KRT75: variants seen among roughly 807,000 people sequenced by gnomAD.
The protein encoded by KRT75 is keratin 75.
In KRT75, 35 loss-of-function variants were observed where a neutral mutation model predicts 48.8. That is an observed-to-expected ratio of 0.72 (90% CI 0.55 to 0.95). The LOEUF is 0.95. Ranked by LOEUF, KRT75 falls within the 40% of genes least tolerant of loss-of-function variation. The pLI is 0.00. For missense variants in KRT75, 776 were observed against 709.9 expected, an observed-to-expected ratio of 1.09 and a Z score of -1.06; for synonymous variants, 301 against 282.3, an observed-to-expected ratio of 1.07 and a Z score of -0.66.
Position 52,434,153 on chromosome 12 carries a change from C to T in KRT75, c.152G>A (p.Ser51Asn). 1 of 1,613,854 alleles carries T rather than the reference C, an allele frequency of 6.2e-7. No homozygotes were observed. The highest frequency in any genetic ancestry group is 8.5e-7 in the Non-Finnish European group (1 of 1,179,824). The part of the protein sequence containing the change: ...AAGSGGLGRI[S>N]SAGASFGSRS... Reference sequence around the variant, plus strand: ...GCTTCCAAAGCTGGCCCCAGCACTGCTGATCCTTCCCAGGCCCCCACTCCC... The same window carrying T: ...GCTTCCAAAGCTGGCCCCAGCACTGTTGATCCTTCCCAGGCCCCCACTCCC... The change falls in exon 1 of 9, where the codon AGC (serine) becomes AAC (asparagine). Residue 51 changes from serine (S) to asparagine (N), a missense_variant. Coordinates refer to ENST00000252245, the MANE Select transcript of KRT75 (RefSeq NM_004693.3).
At chr12:52,432,178 C>G (rs549925080) in intron 2 of KRT75, 112 bp from the exon 3 acceptor site, 1 of 1,009,882 alleles carries the variant, frequency 9.9e-7, no homozygotes, top group East Asian at 2.5e-5. Flanking sequence ...CTTCTGCTGA[C>G]CTGGGCATGA....
At chr12:52,430,513 A>G in intron 5 of KRT75, 28 bp downstream of exon 5, 2 of 1,611,676 alleles carry the variant, frequency 1.2e-6, no homozygotes, top group Non-Finnish European at 1.7e-6. Flanking sequence ...CTAACCCTGG[A>G]ACCTCTCATG....
In KRT75 at chr12:52,432,054, T is replaced by C. The variant is rs748062869; in HGVS notation, c.726A>G (p.Glu242=). The stretch of plus-strand genomic sequence containing the variant: ...TCTCAGCAGCTGTGCGCTTGTTAAT[T>C]TCATCTTCGTACCTATAAGGACAGA... ...VEDFKVRYED[E]INKRTAAENE... The change falls in exon 3 of 9, where the codon GAA becomes GAG. Residue 242 remains glutamate (E), a synonymous_variant. Transcript: ENST00000252245. 7.4e-6 allele frequency: 12 copies of C among 1,614,184 alleles called. No homozygotes were observed. The highest frequency in any genetic ancestry group is 1.6e-4 in the Middle Eastern group (1 of 6,062).
Position 52,424,506 on chromosome 12 carries a change from A to G in KRT75, c.*11T>C. 6.2e-7 allele frequency: 1 copy of G among 1,611,658 alleles called. No individual in the cohort carries two copies. The highest frequency in any genetic ancestry group is 1.3e-5 in the African/African-American group (1 of 74,998). On this transcript the variant is annotated 3_prime_UTR_variant, in exon 9 of 9. Transcript: ENST00000252245. ...GCCTCAAGGCAGGGTAGAGGGAGCCATGGGGCTCTCTTAGTGCGTGTAGCT... is the reference window on the plus strand; with the variant it reads ...GCCTCAAGGCAGGGTAGAGGGAGCCGTGGGGCTCTCTTAGTGCGTGTAGCT...
chr12:52,430,814 G>T, intron 4 of KRT75, 109 bp from the exon 5 acceptor site: 1 of 1,219,834 alleles, frequency 8.2e-7, no homozygotes, highest in Non-Finnish European at 1.2e-6. Flanking sequence ...ATTCCTGGCA[G>T]ATTCTCCCAG....
Position 52,430,666 on chromosome 12 carries a change from C to G in KRT75, c.910G>C (p.Val304Leu). The G allele has an allele frequency of 6.2e-7, 1 of 1,614,166 alleles. No homozygotes were observed. Among genetic ancestry groups the G allele is most frequent in the Non-Finnish European group, 8.5e-7 (1 of 1,180,030 alleles). ...CGGTTGTTGTCCATGGACAGCACCA[C>G]GGATGTGTCACCGACCTGGGTCTGC... ...QLQTQVGDTSVVLSMDNNRNL... is the reference protein window; with the variant it reads ...QLQTQVGDTSLVLSMDNNRNL... Residue 304 changes from valine (V) to leucine (L), a missense_variant, in exon 5 of 9, where the codon GTG becomes CTG. Physicochemically the swap from Val to Leu is conservative, Grantham distance 32. Coordinates refer to ENST00000252245, the MANE Select transcript of KRT75 (RefSeq NM_004693.3).
intron 8 of KRT75, 112 bp downstream of exon 8, chr12:52,426,701 GCTGT>G (rs1940079758): frequency 9.5e-7 from 1 of 1,053,360 alleles, no homozygotes; most frequent in East Asian, 2.4e-5. Context: ...CCAAATGAAC[GCTGT>G]CTGTGAGATC....
intron 7 of KRT75, among the ~76,000 whole-genome samples, chr12:52,427,154 G>A (rs1276899803): frequency 6.6e-6 from 1 of 152,128 alleles, no homozygotes; most frequent in Admixed American, 6.5e-5. Flanking sequence ...TCATATACTG[G>A]CATCAACTGG....
At chr12:52,426,774 ACCACACACACT>A in intron 8 of KRT75, 32 bp downstream of exon 8, 1 of 1,602,836 alleles carries the variant, frequency 6.2e-7, no homozygotes, top group Non-Finnish European at 8.5e-7. Flanking sequence ...CATCCCCTCT[ACCACACACACT>A]CCAAATGGCC....
intron 8 of KRT75, 93 bp downstream of exon 8, chr12:52,426,724 C>T: frequency 1.6e-6 from 2 of 1,270,894 alleles, no homozygotes; most frequent in Non-Finnish European, 2.3e-6. Context: ...TCCCGTCTAA[C>T]CCGTCATATC....
intron 8 of KRT75, 67 bp downstream of exon 8, chr12:52,426,750 G>C: frequency 6.7e-7 from 1 of 1,485,342 alleles, no homozygotes; most frequent in Non-Finnish European, 9.4e-7. Context: ...CCTCTGGCAA[G>C]CCCACCACAT....
intron 5 of KRT75, among the ~76,000 whole-genome samples, chr12:52,429,423 A>T (rs1048072194): frequency 8.5e-5 from 13 of 152,182 alleles, no homozygotes; most frequent in Non-Finnish European, 1.5e-5. Flanking sequence ...CATATCCAGG[A>T]CATGTGAATT....
At chr12:52,432,912 A>C in intron 2 of KRT75, 126 bp downstream of exon 2, 1 of 880,570 alleles carries the variant, frequency 1.1e-6, no homozygotes, top group South Asian at 1.4e-5. Flanking sequence ...TCCACCTTGC[A>C]GGATAAAGGC....
rs898260019 is a variant in KRT75 at position 52,424,253 on chromosome 12, C to T, written c.*264G>A. The T allele has an allele frequency of 1.3e-5, 7 of 528,428 alleles. No homozygotes were observed. The highest frequency in any genetic ancestry group is 9.4e-5 in the Admixed American group (3 of 31,942). The allele number at this position is 528,428 out of a possible 1,614,324, so 32.7% of individuals were successfully genotyped here. On this transcript the variant is annotated 3_prime_UTR_variant, in exon 9 of 9. Transcript: ENST00000252245. Reference sequence around the variant, plus strand: ...GCTGGAGGAGGACTTTCCAGCTGCCCGGGCCTCGCAAGATAGGCTGAATGA... The same window carrying T: ...GCTGGAGGAGGACTTTCCAGCTGCCTGGGCCTCGCAAGATAGGCTGAATGA...
At chr12:52,432,991 G>A (rs749554020) in intron 2 of KRT75, 47 bp downstream of exon 2, 2 of 1,582,992 alleles carry the variant, frequency 1.3e-6, no homozygotes, top group Non-Finnish European at 1.7e-6. Context: ...TCACACAAAG[G>A]AGCCTTCAGA....
Position 52,431,734 on chromosome 12 carries a change from G to A in KRT75, c.775-96C>T, listed in dbSNP as rs1295697817. 9.7e-6 allele frequency: 10 copies of A among 1,028,928 alleles called. No individual in the cohort carries two copies. The Admixed American group carries it at 1.6e-4, about 17-fold the overall frequency. The allele number at this position is 1,028,928 out of a possible 1,614,324, so 63.7% of individuals were successfully genotyped here. On this transcript the variant is annotated intron_variant, in intron 3 of 8. Coordinates refer to ENST00000252245, the MANE Select transcript of KRT75 (RefSeq NM_004693.3). ...GATTTCTCCCCAGCCCATCTAGTTTGGATTTTAGAAAACTCTGGGTCTGGG... is the reference window on the plus strand; with the variant it reads ...GATTTCTCCCCAGCCCATCTAGTTTAGATTTTAGAAAACTCTGGGTCTGGG...
In KRT75 at chr12:52,424,761, G is replaced by A. The variant is rs1194653698; in HGVS notation, c.1418-6C>T. ...AAGAGTAGAGGTGACCACAGCTGCC[G>A]GGAAGAGAGGAGGTGTGGTCAGATC... On this transcript the variant is annotated splice_polypyrimidine_tract_variant and splice_region_variant and intron_variant, in intron 8 of 8. Coordinates refer to ENST00000252245, the MANE Select transcript of KRT75 (RefSeq NM_004693.3). 1.1e-5 allele frequency: 17 copies of A among 1,600,550 alleles called. No individual in the cohort carries two copies. The highest frequency in any genetic ancestry group is 6.7e-5 in the Admixed American group (4 of 60,008).
intron 7 of KRT75, 94 bp from the exon 8 acceptor site, chr12:52,426,945 T>C (rs1940083014): frequency 9.6e-7 from 1 of 1,043,908 alleles, no homozygotes; most frequent in East Asian, 2.4e-5. Flanking sequence ...TGACAAAGCA[T>C]TTAAACATAC....
In KRT75 at chr12:52,424,165, G is replaced by A. The variant is rs1940047877; in HGVS notation, c.*352C>T. On this transcript the variant is annotated 3_prime_UTR_variant, in exon 9 of 9. Coordinates refer to ENST00000252245, the MANE Select transcript of KRT75 (RefSeq NM_004693.3). The stretch of plus-strand genomic sequence containing the variant: ...ACTTATAAACACTATGAGACAGGTG[G>A]GTGACAACCTGGCATTGAGAGACTC... 1 of 394,204 alleles carries A rather than the reference G, an allele frequency of 2.5e-6. No individual in the cohort carries two copies. Among genetic ancestry groups the A allele is most frequent in the African/African-American group, 2.1e-5 (1 of 48,534 alleles). The allele number at this position is 394,204 out of a possible 1,614,324, so 24.4% of individuals were successfully genotyped here.
Sources: gnomAD v4.1 joint callset for allele counts (sites outside exome capture counted in the v4.1 genomes callset) on GRCh38, gnomAD v4.1.1 for gene constraint, MANE v1.5 for transcripts, NCBI Gene and HGNC (gene_info 2026-07-23, HGNC 2026-07-21) for gene names.